DOCK4: variants seen among roughly 807,000 people sequenced by gnomAD.
DOCK4 encodes the protein dedicator of cytokinesis protein 4.
DOCK4 carries 97 observed loss-of-function variants against 268.1 expected under a neutral mutation model. The ratio of observed to expected loss-of-function variants is 0.36; its 90% CI spans 0.31 to 0.43. The LOEUF (loss-of-function observed/expected upper bound fraction) is 0.43, where lower values mean the gene tolerates loss of function less well. DOCK4 is among the 20% of genes least tolerant of loss of function. The pLI, the probability that DOCK4 is intolerant of heterozygous loss-of-function variation, is 1.00. For synonymous variants in DOCK4, 954 were observed against 887.2 expected (o/e 1.08, Z -1.34); for missense variants, 2,145 against 2,455.7 (o/e 0.87, Z 2.67).
intron 1 of DOCK4, among the ~76,000 whole-genome samples, chr7:112,149,396 CG>C (rs1554461647): frequency 6.6e-6 from 1 of 151,964 alleles, no homozygotes; most frequent in Non-Finnish European, 1.5e-5. Context: ...TCTGAGCACA[CG>C]TGATAATTTT....
intron 6 of DOCK4, among the ~76,000 whole-genome samples, chr7:111,985,322 G>A (rs1298992904): frequency 6.6e-6 from 1 of 152,088 alleles, no homozygotes; most frequent in Non-Finnish European, 1.5e-5. Flanking sequence ...TTCTCTAGCA[G>A]AGCCCCCTCA....
chr7:112,198,672 A>G (rs17490266), intron 1 of DOCK4, among the ~76,000 whole-genome samples: 13,137 of 152,220 alleles, frequency 0.086, 747 homozygotes, highest in Middle Eastern at 0.22. Context: ...TCATATTTCC[A>G]AACAGATTTT....
chr7:112,052,015 A>G (rs1457535130), intron 1 of DOCK4, among the ~76,000 whole-genome samples: 2 of 152,126 alleles, frequency 1.3e-5, no homozygotes, highest in Non-Finnish European at 2.9e-5. Flanking sequence ...ATGCTCAAAC[A>G]GTTCCTTATA....
In DOCK4 at chr7:111,727,013, T is replaced by G. The variant is rs970361976; in HGVS notation, c.*1261A>C. The G allele has an allele frequency of 2.0e-5, 3 of 152,640 alleles. No homozygotes were observed. The highest frequency in any genetic ancestry group is 2.9e-5 in the Non-Finnish European group (2 of 68,022). The allele number at this position is 152,640 out of a possible 1,614,324, so 9.5% of individuals were successfully genotyped here. A position where few individuals can be genotyped will look rare whatever the true frequency, so the allele number is the denominator to read the frequency against. On this transcript the variant is annotated 3_prime_UTR_variant, in exon 53 of 53. Transcript: ENST00000428084. ...AGGGAAAATATTTAACAGTATGATT[T>G]AAAATACAGTTCATATCTATTGTCA... is the stretch of plus-strand genomic sequence containing the variant.
At chr7:111,779,857 G>T (rs1798684334) in intron 35 of DOCK4, among the ~76,000 whole-genome samples, 1 of 152,194 alleles carries the variant, frequency 6.6e-6, no homozygotes, top group African/African-American at 2.4e-5. Flanking sequence ...CTCCAAACAA[G>T]ACATGTTTAG....
chr7:111,807,301 ATCT>A (rs1800749202), intron 30 of DOCK4, among the ~76,000 whole-genome samples: 1 of 152,164 alleles, frequency 6.6e-6, no homozygotes, highest in African/African-American at 2.4e-5. Context: ...AAGGGCCTTG[ATCT>A]TCTTTAGGAA....
At position 111,809,270 on chromosome 7, in the gene DOCK4, A is replaced by G. The variant is rs1190663585; in HGVS notation, c.3107+31T>C. ...AACTAAATACTCTTTAAGAGGCAAC[A>G]TTTCTCACCTGATTATACACTGATA... On this transcript the variant is annotated intron_variant, in intron 29 of 52. Coordinates refer to ENST00000428084, the MANE Select transcript of DOCK4 (RefSeq NM_001363540.2). The G allele has an allele frequency of 2.7e-6, 4 of 1,488,758 alleles. No individual in the cohort carries two copies. The African/African-American group carries it at 4.2e-5, about 16-fold the overall frequency. The allele number at this position is 1,488,758 out of a possible 1,614,324, so 92.2% of individuals were successfully genotyped here. A position where few individuals can be genotyped will look rare whatever the true frequency, so the allele number is the denominator to read the frequency against.
chr7:111,755,811 A>C (rs189238158), intron 41 of DOCK4, among the ~76,000 whole-genome samples: 1 of 152,188 alleles, frequency 6.6e-6, no homozygotes, highest in Non-Finnish European at 1.5e-5. Flanking sequence ...ACTTTTTTCC[A>C]TGTGGAATAA....
At chr7:111,849,114 TG>T (rs2134104420) in intron 23 of DOCK4, among the ~76,000 whole-genome samples, 1 of 152,332 alleles carries the variant, frequency 6.6e-6, no homozygotes, top group East Asian at 1.9e-4. Flanking sequence ...CCATTTTTGC[TG>T]CTTGGTTCTT....
chr7:112,080,897 T>C (rs1014471833), intron 1 of DOCK4, among the ~76,000 whole-genome samples: 4 of 152,190 alleles, frequency 2.6e-5, no homozygotes, highest in African/African-American at 9.7e-5. Flanking sequence ...TTTACACTTA[T>C]GTCACTAAAC....
intron 12 of DOCK4, among the ~76,000 whole-genome samples, chr7:111,929,505 T>C (rs1186029522): frequency 6.6e-6 from 1 of 152,196 alleles, no homozygotes; most frequent in Non-Finnish European, 1.5e-5. Context: ...TCAATGATAC[T>C]AGAAAGCAAA....
intron 30 of DOCK4, among the ~76,000 whole-genome samples, chr7:111,797,595 A>G (rs1232888934): frequency 6.6e-6 from 1 of 152,216 alleles, no homozygotes; most frequent in African/African-American, 2.4e-5. Context: ...GCAAAAAAAT[A>G]GTAGAAACAC....
At chr7:112,027,846 C>G (rs1046622797) in intron 1 of DOCK4, among the ~76,000 whole-genome samples, 3 of 152,094 alleles carry the variant, frequency 2.0e-5, no homozygotes, top group Admixed American at 1.3e-4. Flanking sequence ...ATTTGAGTAC[C>G]AAGAAAAGAA....
At chr7:112,119,836 A>C (rs945168527) in intron 1 of DOCK4, among the ~76,000 whole-genome samples, 2 of 151,592 alleles carry the variant, frequency 1.3e-5, no homozygotes, top group African/African-American at 4.9e-5. Flanking sequence ...GTGCTCAATA[A>C]ATGGGTAGAT....
chr7:112,140,501 A>G (rs1165689938), intron 1 of DOCK4, among the ~76,000 whole-genome samples: 2 of 152,048 alleles, frequency 1.3e-5, no homozygotes, highest in Non-Finnish European at 2.9e-5. Flanking sequence ...ACTGTTTTTC[A>G]TGGAAACAAA....
rs141417175 is a variant in DOCK4 at position 112,110,505 on chromosome 7, T to C, written c.37+95597A>G. 1.0e-3 allele frequency among the ~76,000 whole-genome samples: 153 copies of C among 152,292 alleles called. 2 individuals carry two copies. The highest frequency in any genetic ancestry group is 7.8e-3 in the Admixed American group (120 of 15,302). ...TTACCCCTGCATCAGTGCCCTGACA[T>C]TGGGCCTGTCCAGGGAGGAGCCACA... On this transcript the variant is annotated intron_variant, in intron 1 of 52. Transcript: ENST00000428084.
At chr7:112,174,187 C>T (rs779503994) in intron 1 of DOCK4, among the ~76,000 whole-genome samples, 8 of 152,154 alleles carry the variant, frequency 5.3e-5, no homozygotes, top group Non-Finnish European at 1.0e-4. Flanking sequence ...TCTGTGGTAT[C>T]CCATCAGACG....
intron 26 of DOCK4, among the ~76,000 whole-genome samples, chr7:111,825,289 T>G (rs956608795): frequency 2.6e-5 from 4 of 152,202 alleles, no homozygotes; most frequent in African/African-American, 9.6e-5. Flanking sequence ...GTTTAGCAAG[T>G]CTTTGTCTAC....
intron 12 of DOCK4, among the ~76,000 whole-genome samples, chr7:111,925,904 G>A (rs112638810): frequency 0.03 from 4,482 of 151,852 alleles, 96 homozygotes; most frequent in Non-Finnish European, 0.047. Flanking sequence ...TGGCCAACAT[G>A]GTAAAACCCC....
Sources: gnomAD v4.1 joint callset for allele counts (sites outside exome capture counted in the v4.1 genomes callset) on GRCh38, gnomAD v4.1.1 for gene constraint, MANE v1.5 for transcripts, NCBI Gene and HGNC (gene_info 2026-07-23, HGNC 2026-07-21) for gene names.